The following WDFY2 variants were observed in gnomAD, a reference collection of about 807,000 sequenced individuals.
The protein encoded by WDFY2 is WD repeat and FYVE domain containing 2.
WDFY2 carries 36 observed loss-of-function variants against 56.4 expected under a neutral mutation model. The observed-to-expected ratio is 0.64, with a 90% CI of 0.49 to 0.84. The LOEUF (loss-of-function observed/expected upper bound fraction) is 0.84. WDFY2 is among the 40% of genes least tolerant of loss of function. The pLI is 0.00. For missense variants in WDFY2, 444 were observed against 512.2 expected, an observed-to-expected ratio of 0.87 and a Z score of 1.29; for synonymous variants, 176 against 183.7, an observed-to-expected ratio of 0.96 and a Z score of 0.34.
At chr13:51,714,635 C>T (rs185116641) in intron 4 of WDFY2, among the ~76,000 whole-genome samples, 4 of 152,238 alleles carry the variant, frequency 2.6e-5, no homozygotes, top group Admixed American at 1.3e-4. Flanking sequence ...TAAAATGTAG[C>T]CACTTTGAAA....
intron 1 of WDFY2, among the ~76,000 whole-genome samples, chr13:51,625,854 A>T (rs1267581473): frequency 6.6e-6 from 1 of 152,274 alleles, no homozygotes; most frequent in Non-Finnish European, 1.5e-5. Flanking sequence ...GGAATTTTTC[A>T]TCTGATGCAG....
At position 51,674,727 on chromosome 13, in the gene WDFY2, C is replaced by G. The variant is rs1955859009; in HGVS notation, c.206-443C>G. Among the ~76,000 whole-genome samples the G allele has an allele frequency of 3.3e-5, 5 of 152,150 alleles. No individual in the cohort carries two copies. The South Asian group carries it at 1.0e-3, about 32-fold the overall frequency. ...CTTCTAGACTCCTGTGTGTATGTGT[C>G]TGTATGTGGGTGGGGAGGGTGGAGG... On this transcript the variant is annotated intron_variant, in intron 2 of 11. Coordinates refer to ENST00000298125, the MANE Select transcript of WDFY2 (RefSeq NM_052950.4).
At chr13:51,702,359 ACT>A (rs1952003342) in intron 3 of WDFY2, among the ~76,000 whole-genome samples, 2 of 152,102 alleles carry the variant, frequency 1.3e-5, no homozygotes, top group Admixed American at 6.6e-5. Context: ...TGTAGGTCTA[ACT>A]CTTCCAAAAC....
chr13:51,732,625 A>G (rs1468545177), intron 6 of WDFY2, among the ~76,000 whole-genome samples: 2 of 152,256 alleles, frequency 1.3e-5, no homozygotes, highest in African/African-American at 4.8e-5. Flanking sequence ...CAGTGTAACT[A>G]TAACAAGAAT....
intron 1 of WDFY2, among the ~76,000 whole-genome samples, chr13:51,654,187 G>A (rs570182471): frequency 1.7e-4 from 26 of 152,318 alleles, no homozygotes; most frequent in African/African-American, 5.3e-4. Flanking sequence ...CTCCGTGGGC[G>A]TAGGACCCTC....
chr13:51,698,537 G>T (rs996133102), intron 3 of WDFY2, among the ~76,000 whole-genome samples: 1 of 152,118 alleles, frequency 6.6e-6, no homozygotes. Context: ...CAGGGTTTAG[G>T]TAAGTCAACA....
intron 4 of WDFY2, among the ~76,000 whole-genome samples, chr13:51,707,948 T>TTTTC (rs1198424007): frequency 2.9e-5 from 3 of 103,786 alleles, no homozygotes; most frequent in African/African-American, 1.2e-4. Context: ...ACTTTTTTTT[T>TTTTC]TTTTTTTTTT....
At position 51,758,181 on chromosome 13, in the gene WDFY2, G is replaced by T; in HGVS notation, c.1065-11G>T. 1 of 1,537,858 alleles carries T rather than the reference G, an allele frequency of 6.5e-7. No individual in the cohort carries two copies. The highest frequency in any genetic ancestry group is 1.2e-5 in the South Asian group (1 of 82,178). ...CCTTTTCCCCTCAGAAGCTTTCTTT[G>T]CTCCTTCTAGACGTGCACCCACAGC... On this transcript the variant is annotated splice_polypyrimidine_tract_variant and intron_variant, in intron 10 of 11. Coordinates refer to ENST00000298125, the MANE Select transcript of WDFY2 (RefSeq NM_052950.4).
intron 1 of WDFY2, among the ~76,000 whole-genome samples, chr13:51,595,400 G>A (rs1294309278): frequency 2.6e-5 from 4 of 152,112 alleles, no homozygotes; most frequent in East Asian, 1.9e-4. Context: ...TGAATTTGTC[G>A]GCAAGGTTTA....
chr13:51,757,406 C>A (rs985598120), intron 10 of WDFY2, among the ~76,000 whole-genome samples: 1 of 151,880 alleles, frequency 6.6e-6, no homozygotes, highest in African/African-American at 2.4e-5. Flanking sequence ...TTTAAAGTAA[C>A]CATTTTAAGA....
chr13:51,737,551 T>TAAAAAAAAA (rs67418551), intron 6 of WDFY2, among the ~76,000 whole-genome samples: 38 of 53,242 alleles, frequency 7.1e-4, no homozygotes, highest in Middle Eastern at 0.025. Context: ...ACAATGAATT[T>TAAAAAAAAA]AAAAAAAAAA....
intron 5 of WDFY2, among the ~76,000 whole-genome samples, chr13:51,724,745 G>A (rs1321213312): frequency 6.6e-6 from 1 of 152,126 alleles, no homozygotes. Context: ...ATAGTTTAGG[G>A]TTCACTCTTG....
intron 5 of WDFY2, among the ~76,000 whole-genome samples, chr13:51,724,635 C>G (rs1952566363): frequency 6.6e-6 from 1 of 152,132 alleles, no homozygotes; most frequent in African/African-American, 2.4e-5. Flanking sequence ...TCATGACCTC[C>G]ACATGCATGG....
At chr13:51,701,596 T>C (rs1951986479) in intron 3 of WDFY2, among the ~76,000 whole-genome samples, 2 of 151,866 alleles carry the variant, frequency 1.3e-5, no homozygotes, top group Non-Finnish European at 2.9e-5. Flanking sequence ...GTTTTTATTA[T>C]CATAGGAAAA....
intron 2 of WDFY2, among the ~76,000 whole-genome samples, chr13:51,663,705 G>A (rs925005466): frequency 2.0e-5 from 3 of 152,166 alleles, no homozygotes; most frequent in Non-Finnish European, 4.4e-5. Context: ...GAATTGTTTT[G>A]TAGTCCTTCC....
chr13:51,692,588 C>T (rs565471134), intron 3 of WDFY2, among the ~76,000 whole-genome samples: 43 of 152,244 alleles, frequency 2.8e-4, no homozygotes, highest in African/African-American at 8.9e-4. Context: ...CTGCTGGATT[C>T]GGTTTGCCAG....
At chr13:51,603,383 G>C (rs1225637233) in intron 1 of WDFY2, among the ~76,000 whole-genome samples, 2 of 152,296 alleles carry the variant, frequency 1.3e-5, no homozygotes, top group East Asian at 3.9e-4. Flanking sequence ...GGAGCAGCAG[G>C]AGCCTCAGGG....
chr13:51,668,223 A>G (rs1955747659), intron 2 of WDFY2, among the ~76,000 whole-genome samples: 1 of 152,144 alleles, frequency 6.6e-6, no homozygotes, highest in Non-Finnish European at 1.5e-5. Flanking sequence ...TGGAAATCCA[A>G]ACTAAACATG....
In WDFY2 at chr13:51,727,901, G is replaced by A. The variant is rs530733187; in HGVS notation, c.598+111G>A. 57 of 956,432 alleles carry A rather than the reference G, an allele frequency of 6.0e-5. No homozygotes were observed. In the South Asian group the frequency reaches 8.7e-4, roughly 15 times the overall value. The allele number at this position is 956,432 out of a possible 1,614,324, so 59.2% of individuals were successfully genotyped here. On this transcript the variant is annotated intron_variant, in intron 6 of 11. Coordinates refer to ENST00000298125, the MANE Select transcript of WDFY2 (RefSeq NM_052950.4). ...AAGTGGCAAAGTACAATCCATGCTT[G>A]TGCAAAGATACACATGATATGCTTA...
Sources: allele counts gnomAD v4.1 joint callset (sites outside exome capture counted in the v4.1 genomes callset), GRCh38; gene constraint gnomAD v4.1.1; transcripts MANE v1.5; gene names NCBI Gene and HGNC (gene_info 2026-07-23, HGNC 2026-07-21).